SETDB2: variants seen among roughly 807,000 people sequenced by gnomAD.
SETDB2 encodes SET domain bifurcated histone lysine methyltransferase 2, also known as histone-lysine N-methyltransferase SETDB2.
SETDB2 carries 56 observed loss-of-function variants against 82.5 expected under a neutral mutation model. The ratio of observed to expected loss-of-function variants is 0.68; its 90% CI spans 0.55 to 0.85. The LOEUF (loss-of-function observed/expected upper bound fraction) is 0.85. SETDB2 is among the 40% of genes least tolerant of loss of function. SETDB2 has a pLI of 0.00. For synonymous variants in SETDB2, 272 were observed against 284.9 expected, an observed-to-expected ratio of 0.95 and a Z score of 0.46; for missense variants, 677 against 816.4, an observed-to-expected ratio of 0.83 and a Z score of 2.08.
chr13:49,451,973 A>G, intron 2 of SETDB2, 64 bp downstream of exon 2: 1 of 1,218,628 alleles, frequency 8.2e-7, no homozygotes, highest in Non-Finnish European at 1.1e-6. Context: ...AGACAATGTA[A>G]GCTGATGTGG....
intron 5 of SETDB2, 29 bp from the exon 6 acceptor site, chr13:49,476,447 A>C (rs1399412156): frequency 1.4e-6 from 2 of 1,379,562 alleles, no homozygotes; most frequent in African/African-American, 2.9e-5. Context: ...TATAAATTTG[A>C]GATACTAATG....
At chr13:49,455,792 A>G (rs1957871469) in intron 2 of SETDB2, among the ~76,000 whole-genome samples, 1 of 150,764 alleles carries the variant, frequency 6.6e-6, no homozygotes, top group South Asian at 2.1e-4. Context: ...AAACAAAAAA[A>G]AACTAGATAG....
intron 2 of SETDB2, among the ~76,000 whole-genome samples, chr13:49,458,779 G>A (rs1451125899): frequency 6.6e-6 from 1 of 152,190 alleles, no homozygotes; most frequent in Non-Finnish European, 1.5e-5. Context: ...ATACCTTAAT[G>A]AATAGCATTA....
At chr13:49,485,547 A>T (rs2138982257) in intron 10 of SETDB2, 83 bp from the exon 11 acceptor site, 2 of 1,045,616 alleles carry the variant, frequency 1.9e-6, no homozygotes, top group East Asian at 4.7e-5. Context: ...GCCTATGATG[A>T]TTGACACTTG....
At position 49,476,820 on chromosome 13, in the gene SETDB2, A is replaced by G. The variant is rs754823908; in HGVS notation, c.650A>G (p.Gln217Arg). ...AACTTTTCTTTCAATACCTATGTTC[A>G]GTTGGCTCGGAATTACCCAAAGCAA... ...TDNFSFNTYVQLARNYPKQKE... is the reference protein window; with the variant it reads ...TDNFSFNTYVRLARNYPKQKE... Residue 217 changes from glutamine (Q) to arginine (R), a missense_variant, in exon 6 of 14, where the codon CAG (glutamine) becomes CGG (arginine). By Grantham distance (43) the Gln-to-Arg change is conservative. Transcript: ENST00000611815. The G allele has an allele frequency of 2.5e-6, 4 of 1,613,952 alleles. No homozygotes were observed. The highest frequency in any genetic ancestry group is 3.4e-6 in the Non-Finnish European group (4 of 1,179,980).
chr13:49,457,538 A>G (rs1459301549), intron 2 of SETDB2, among the ~76,000 whole-genome samples: 1 of 151,438 alleles, frequency 6.6e-6, no homozygotes, highest in Non-Finnish European at 1.5e-5. Context: ...GGTTCAAGCA[A>G]TTCTCATGCC....
At chr13:49,474,460 C>G (rs1326317036) in intron 5 of SETDB2, among the ~76,000 whole-genome samples, 1 of 152,168 alleles carries the variant, frequency 6.6e-6, no homozygotes, top group Non-Finnish European at 1.5e-5. Context: ...GCCTTGTGAC[C>G]TAGCACTCCC....
At chr13:49,460,362 C>T (rs1716714337) in intron 3 of SETDB2, 130 bp downstream of exon 3, 1 of 962,052 alleles carries the variant, frequency 1.0e-6, no homozygotes, top group South Asian at 2.2e-5. Flanking sequence ...ATAATACCTA[C>T]TGAATTTCTT....
chr13:49,467,758 G>A, intron 4 of SETDB2, 106 bp from the exon 5 acceptor site: 1 of 639,754 alleles, frequency 1.6e-6, no homozygotes, highest in Non-Finnish European at 2.4e-6. Flanking sequence ...GCAAATTTTA[G>A]GGATCCATAT....
At chr13:49,446,837 C>A (rs1957700563) in intron 1 of SETDB2, among the ~76,000 whole-genome samples, 1 of 152,096 alleles carries the variant, frequency 6.6e-6, no homozygotes, top group African/African-American at 2.4e-5. Context: ...CAAGGAAAAT[C>A]TTTGTGTTTT....
intron 4 of SETDB2, among the ~76,000 whole-genome samples, chr13:49,465,421 A>C (rs1356963148): frequency 6.6e-6 from 1 of 152,254 alleles, no homozygotes; most frequent in East Asian, 1.9e-4. Flanking sequence ...ATATAGATTT[A>C]TATAACTCAT....
intron 6 of SETDB2, among the ~76,000 whole-genome samples, chr13:49,479,385 A>G (rs1199411563): frequency 6.6e-6 from 1 of 152,152 alleles, no homozygotes; most frequent in Non-Finnish European, 1.5e-5. Flanking sequence ...ATCACATGGG[A>G]AAGAACAATT....
Position 49,460,103 on chromosome 13 carries a change from T to G in SETDB2, c.17-4T>G. The G allele has an allele frequency of 6.2e-7, 1 of 1,609,158 alleles. No homozygotes were observed. Among genetic ancestry groups the G allele is most frequent in the Non-Finnish European group, 8.5e-7 (1 of 1,178,524 alleles). On this transcript the variant is annotated splice_region_variant and splice_polypyrimidine_tract_variant and intron_variant, in intron 2 of 13. Coordinates refer to ENST00000611815, the MANE Select transcript of SETDB2 (RefSeq NM_001160308.3). ...CTTAGGCTAGTCACTTATTTTTATT[T>G]TAGGCGATGCAAAAACTTTCTGGAT...
intron 1 of SETDB2, among the ~76,000 whole-genome samples, chr13:49,448,839 C>T (rs1200515120): frequency 5.3e-5 from 8 of 152,124 alleles, no homozygotes; most frequent in African/African-American, 1.9e-4. Context: ...AGATTTGTTA[C>T]TTCATCACCA....
At chr13:49,491,234 T>C (rs1958705115) in intron 13 of SETDB2, among the ~76,000 whole-genome samples, 2 of 152,220 alleles carry the variant, frequency 1.3e-5, no homozygotes, top group African/African-American at 4.8e-5. Flanking sequence ...TTTAAAGATA[T>C]ATACTATAGC....
intron 10 of SETDB2, among the ~76,000 whole-genome samples, chr13:49,484,753 A>G (rs1407943684): frequency 6.6e-6 from 1 of 152,190 alleles, no homozygotes; most frequent in Non-Finnish European, 1.5e-5. Flanking sequence ...ATGGTAGCTT[A>G]CTTTAGGGCT....
At chr13:49,452,902 A>T (rs758879536) in intron 2 of SETDB2, among the ~76,000 whole-genome samples, 15 of 152,182 alleles carry the variant, frequency 9.9e-5, no homozygotes, top group Non-Finnish European at 1.8e-4. Flanking sequence ...GATTTCTCAG[A>T]GTTGATATTG....
intron 4 of SETDB2, among the ~76,000 whole-genome samples, chr13:49,461,918 A>G (rs1409385604): frequency 6.6e-6 from 1 of 152,156 alleles, no homozygotes; most frequent in Non-Finnish European, 1.5e-5. Flanking sequence ...GGCTTATAGA[A>G]CTCACAGAAG....
chr13:49,460,309 A>G (rs1957967806), intron 3 of SETDB2, 77 bp downstream of exon 3: 1 of 1,421,346 alleles, frequency 7.0e-7, no homozygotes, highest in East Asian at 2.5e-5. Context: ...TTCTATTTCC[A>G]ATATTGCTGT....
Sources: allele counts gnomAD v4.1 joint callset (sites outside exome capture counted in the v4.1 genomes callset), GRCh38; gene constraint gnomAD v4.1.1; transcripts MANE v1.5; gene names NCBI Gene and HGNC (gene_info 2026-07-23, HGNC 2026-07-21).